Variants in EVI5 observed in about 807,000 individuals in gnomAD.
EVI5 encodes the protein ecotropic viral integration site 5 protein homolog.
Under a neutral mutation model 112.0 loss-of-function variants are expected in EVI5, and 73 were observed. The observed-to-expected ratio is 0.65, with a 90% CI of 0.54 to 0.79. The LOEUF (loss-of-function observed/expected upper bound fraction) is 0.79, where lower values mean the gene tolerates loss of function less well. Among genes scored for constraint, EVI5 ranks in the 30% least tolerant of loss-of-function variants. The pLI is 0.00. For synonymous variants in EVI5, 305 were observed against 319.9 expected, an observed-to-expected ratio of 0.95 and a Z score of 0.50; for missense variants, 900 against 968.8, an observed-to-expected ratio of 0.93 and a Z score of 0.94.
At chr1:92,771,047 C>T (rs1444143057) in intron 1 of EVI5, among the ~76,000 whole-genome samples, 4 of 151,808 alleles carry the variant, frequency 2.6e-5, no homozygotes, top group Non-Finnish European at 5.9e-5. Context: ...AACTCCTGAC[C>T]TCAGGTGATC....
At chr1:92,784,436 G>T in intron 1 of EVI5, 1 of 985,340 alleles carries the variant, frequency 1.0e-6, no homozygotes, top group Non-Finnish European at 1.2e-6. Context: ...GCAAGTCAGG[G>T]GGGCGAGTGC....
rs368995501 is a variant in EVI5, at chr1:92,541,969, G to A, written c.2166+21673C>T. ...GGAGGGTCTTGCCTTGATGCTGGTG[G>A]CAGCAGGCTGGCCAGTTACTGAAGG... On this transcript the variant is annotated intron_variant, in intron 19 of 19. Coordinates refer to ENST00000684568, the MANE Select transcript of EVI5 (RefSeq NM_001350197.2). Among the ~76,000 whole-genome samples the A allele has an allele frequency of 3.3e-5, 5 of 152,320 alleles. No individual in the cohort carries two copies. The East Asian group carries it at 9.6e-4, about 29-fold the overall frequency.
intron 19 of EVI5, among the ~76,000 whole-genome samples, chr1:92,541,246 G>T (rs1187025212): frequency 3.3e-5 from 5 of 152,132 alleles, no homozygotes; most frequent in African/African-American, 9.7e-5. Context: ...TAATGTATCT[G>T]ATAAGGAACA....
At chr1:92,771,588 G>A (rs1169965595) in intron 1 of EVI5, among the ~76,000 whole-genome samples, 2 of 143,996 alleles carry the variant, frequency 1.4e-5, no homozygotes, top group Non-Finnish European at 3.0e-5. Context: ...CTTGGATAAG[G>A]AATATATCAA....
At chr1:92,709,356 C>A (rs1310283564) in intron 2 of EVI5, among the ~76,000 whole-genome samples, 2 of 152,102 alleles carry the variant, frequency 1.3e-5, no homozygotes, top group African/African-American at 4.8e-5. Flanking sequence ...ATTTTTATCA[C>A]TTCATCAATA....
rs534761723 is a variant in EVI5, at chr1:92,563,340, T to C, written c.2166+302A>G. Among the ~76,000 whole-genome samples the C allele has an allele frequency of 4.6e-5, 7 of 152,278 alleles. No homozygotes were observed. In the East Asian group the frequency reaches 1.3e-3, roughly 29 times the overall value. Reference sequence around the variant, plus strand: ...AAAATTTTAGTTTAGTTAAAGTAACTTTGACATCTATGCAAACTATCAAGA... The same window carrying C: ...AAAATTTTAGTTTAGTTAAAGTAACCTTGACATCTATGCAAACTATCAAGA... On this transcript the variant is annotated intron_variant, in intron 19 of 19. Coordinates refer to ENST00000684568, the MANE Select transcript of EVI5 (RefSeq NM_001350197.2).
At chr1:92,705,079 C>T (rs1364305452) in intron 2 of EVI5, among the ~76,000 whole-genome samples, 1 of 152,088 alleles carries the variant, frequency 6.6e-6, no homozygotes, top group African/African-American at 2.4e-5. Flanking sequence ...GAAAAAAGAA[C>T]TTATACTTGG....
chr1:92,708,432 C>T (rs1257380593), intron 2 of EVI5, among the ~76,000 whole-genome samples: 1 of 152,052 alleles, frequency 6.6e-6, no homozygotes, highest in Non-Finnish European at 1.5e-5. Context: ...TATTTTACAA[C>T]CATTAAGATA....
chr1:92,677,756 G>A (rs1666978967), intron 9 of EVI5, among the ~76,000 whole-genome samples: 12 of 152,148 alleles, frequency 7.9e-5, no homozygotes, highest in Admixed American at 7.9e-4. Flanking sequence ...AAATTAGTGG[G>A]TGAAAGTTTA....
intron 2 of EVI5, among the ~76,000 whole-genome samples, chr1:92,727,884 C>G (rs1675821898): frequency 6.6e-6 from 1 of 151,828 alleles, no homozygotes; most frequent in East Asian, 1.9e-4. Context: ...GTCCCAGCTA[C>G]TTGGGAGGCT....
Position 92,694,289 on chromosome 1 carries a change from A to ATGAACTTAC in EVI5, c.999+1_999+9dup, listed in dbSNP as rs769946399. Reference sequence around the variant, plus strand: ...CAAAAAAAAAAAAAGAAAATAAATTATGAACTTACCTGTAACATCCCTTCC... The same window carrying ATGAACTTAC: ...CAAAAAAAAAAAAAGAAAATAAATTATGAACTTACTGAACTTACCTGTAACATCCCTTCC... On this transcript the variant is annotated intron_variant, in intron 8 of 19. Coordinates refer to ENST00000684568, the MANE Select transcript of EVI5 (RefSeq NM_001350197.2). The ATGAACTTAC allele has an allele frequency of 2.0e-6, 3 of 1,495,970 alleles. No individual in the cohort carries two copies. In the South Asian group the frequency reaches 3.6e-5, roughly 18 times the overall value. 92.7% of individuals were successfully genotyped at this position (1,495,970 alleles called of 1,614,324 possible). A position where few individuals can be genotyped will look rare whatever the true frequency, so the allele number is the denominator to read the frequency against.
intron 16 of EVI5, among the ~76,000 whole-genome samples, chr1:92,619,170 A>G (rs1653930762): frequency 6.6e-6 from 1 of 152,130 alleles, no homozygotes; most frequent in Admixed American, 6.5e-5. Context: ...AGAGATTAAC[A>G]TTTGAGTCAG....
At chr1:92,779,183 T>C (rs1037634104) in intron 1 of EVI5, among the ~76,000 whole-genome samples, 1 of 152,024 alleles carries the variant, frequency 6.6e-6, no homozygotes, top group Non-Finnish European at 1.5e-5. Context: ...CTAATAAGAC[T>C]ATACCAAATA....
intron 18 of EVI5, among the ~76,000 whole-genome samples, chr1:92,595,813 T>A (rs1647659279): frequency 6.6e-6 from 1 of 152,178 alleles, no homozygotes; most frequent in Non-Finnish European, 1.5e-5. Context: ...GGGAAACAAC[T>A]GAAAAATTTT....
At chr1:92,733,708 G>A (rs1348802619) in intron 2 of EVI5, among the ~76,000 whole-genome samples, 2 of 151,860 alleles carry the variant, frequency 1.3e-5, no homozygotes, top group East Asian at 1.9e-4. Flanking sequence ...CACAGCACCC[G>A]GTCTACATTA....
At chr1:92,547,991 ATT>A (rs1379722307) in intron 19 of EVI5, among the ~76,000 whole-genome samples, 1 of 150,348 alleles carries the variant, frequency 6.7e-6, no homozygotes, top group Non-Finnish European at 1.5e-5. Flanking sequence ...TCCCTAACTC[ATT>A]TTATGAGGCC....
At chr1:92,573,723 G>T (rs1275591953) in intron 18 of EVI5, among the ~76,000 whole-genome samples, 1 of 152,030 alleles carries the variant, frequency 6.6e-6, no homozygotes, top group Admixed American at 6.6e-5. Context: ...GTCTACAGAG[G>T]TTGGTTCAAT....
At chr1:92,680,881 A>G (rs906119278) in intron 9 of EVI5, among the ~76,000 whole-genome samples, 6 of 152,184 alleles carry the variant, frequency 3.9e-5, no homozygotes. Flanking sequence ...TACACTCTTT[A>G]AATATATCAG....
rs1224701620 is a variant in EVI5, at chr1:92,694,329, C to T, written c.969G>A (p.Leu323=). ...ACATCCCTTCCATGTCAAGTTGCAT[C>T]AGTTCTGCCTGATTCATCTGAAGAA... is the stretch of plus-strand genomic sequence containing the variant. ...LALLQMNQAE[L]MQLDMEGMLQ... The change falls in exon 8 of 20, where the codon CTG becomes CTA. Residue 323 remains leucine (L), a synonymous_variant. Coordinates refer to ENST00000684568, the MANE Select transcript of EVI5 (RefSeq NM_001350197.2). 1.2e-6 allele frequency: 2 copies of T among 1,600,240 alleles called. No homozygotes were observed. The highest frequency in any genetic ancestry group is 2.7e-5 in the African/African-American group (2 of 74,314).
Sources: allele counts gnomAD v4.1 joint callset (sites outside exome capture counted in the v4.1 genomes callset), GRCh38; gene constraint gnomAD v4.1.1; transcripts MANE v1.5; gene names NCBI Gene and HGNC (gene_info 2026-07-23, HGNC 2026-07-21).